The following SLC24A4 variants were observed in gnomAD, a reference collection of about 807,000 sequenced individuals.
The protein encoded by SLC24A4 is solute carrier family 24 member 4, also known as sodium/potassium/calcium exchanger 4.
SLC24A4 carries 53 observed loss-of-function variants against 79.0 expected under a neutral mutation model. That is an observed-to-expected ratio of 0.67 (90% confidence interval 0.54 to 0.84). The LOEUF (loss-of-function observed/expected upper bound fraction) is 0.84. Among genes scored for constraint, SLC24A4 ranks in the 40% least tolerant of loss-of-function variants. SLC24A4 has a pLI of 0.00. For synonymous variants in SLC24A4, 323 were observed against 323.8 expected, an observed-to-expected ratio of 1.00 and a Z score of 0.03; for missense variants, 731 against 822.0, an observed-to-expected ratio of 0.89 and a Z score of 1.35.
intron 2 of SLC24A4, among the ~76,000 whole-genome samples, chr14:92,360,603 C>T (rs983648023): frequency 5.3e-5 from 8 of 152,200 alleles, no homozygotes; most frequent in African/African-American, 1.9e-4. Context: ...TGTATACATG[C>T]GTCCATTTGT....
chr14:92,442,050 A>T (rs1306544375), intron 4 of SLC24A4, 39 bp from the exon 5 acceptor site: 1 of 1,548,808 alleles, frequency 6.5e-7, no homozygotes, highest in Non-Finnish European at 8.9e-7. Flanking sequence ...CAGTACCCCC[A>T]CGTCACACCC....
At chr14:92,385,336 C>T (rs748463592) in intron 2 of SLC24A4, among the ~76,000 whole-genome samples, 2 of 152,056 alleles carry the variant, frequency 1.3e-5, no homozygotes, top group South Asian at 2.1e-4. Flanking sequence ...GAAACCCTGT[C>T]CCTACTAAAA....
chr14:92,485,566 A>T (rs11622904), intron 13 of SLC24A4, among the ~76,000 whole-genome samples: 28,331 of 152,106 alleles, frequency 0.19, 2,811 homozygotes, highest in East Asian at 0.31. Context: ...GCAATTTTTA[A>T]TTTTTCTGAA....
chr14:92,382,137 A>T (rs575724605), intron 2 of SLC24A4, among the ~76,000 whole-genome samples: 1 of 152,192 alleles, frequency 6.6e-6, no homozygotes, highest in African/African-American at 2.4e-5. Context: ...TCTATACATA[A>T]GTGTGTGTAT....
chr14:92,463,405 G>A (rs1237682695), intron 12 of SLC24A4, among the ~76,000 whole-genome samples: 1 of 152,156 alleles, frequency 6.6e-6, no homozygotes, highest in East Asian at 1.9e-4. Context: ...ATTTACATGT[G>A]CAGTTCCATA....
chr14:92,414,156 C>A (rs1244576640), intron 2 of SLC24A4, among the ~76,000 whole-genome samples: 1 of 152,142 alleles, frequency 6.6e-6, no homozygotes, highest in Non-Finnish European at 1.5e-5. Flanking sequence ...TACCTGGACA[C>A]TATTGGCATC....
chr14:92,466,000 T>G (rs560810191), intron 12 of SLC24A4, among the ~76,000 whole-genome samples: 1 of 152,228 alleles, frequency 6.6e-6, no homozygotes, highest in Admixed American at 6.5e-5. Context: ...TTCTGCTTTC[T>G]ATTGGGCTTC....
In SLC24A4 at chr14:92,353,689, G is replaced by A. The variant is rs78240703; in HGVS notation, c.241+27711G>A. On this transcript the variant is annotated intron_variant, in intron 2 of 16. Coordinates refer to ENST00000532405, the MANE Select transcript of SLC24A4 (RefSeq NM_153646.4). This position sits in a 1 kb window ranked among gnomAD's most constrained non-coding sequence, Gnocchi z 4.1. ...TGTGTTCCCTTTCTGCTTGCTCTTC[G>A]TGTCCTTTTCTGTGTAGGCATTTAA... 0.021 allele frequency among the ~76,000 whole-genome samples: 3,205 copies of A among 152,146 alleles called. 139 individuals carry two copies. The highest frequency in any genetic ancestry group is 0.073 in the African/African-American group (3,024 of 41,478).
intron 7 of SLC24A4, among the ~76,000 whole-genome samples, chr14:92,444,618 G>C (rs1197595718): frequency 6.6e-6 from 1 of 152,172 alleles, no homozygotes; most frequent in Non-Finnish European, 1.5e-5. Context: ...ACTTTGGAAG[G>C]CCGAGGCGGG....
intron 2 of SLC24A4, among the ~76,000 whole-genome samples, chr14:92,335,193 C>G (rs1397688226): frequency 6.6e-6 from 1 of 152,150 alleles, no homozygotes; most frequent in East Asian, 1.9e-4. Context: ...TGTTACCCCT[C>G]CATCCTCACA....
Position 92,496,492 on chromosome 14 carries a change from C to T in SLC24A4, c.*2864C>T, listed in dbSNP as rs1208410163. The stretch of plus-strand genomic sequence containing the variant: ...TGGGGGCAGAAAAGAAAAAAAAAAC[C>T]ATTGCACTCAGATGGAAAATGCCTA... On this transcript the variant is annotated 3_prime_UTR_variant, in exon 17 of 17. Transcript: ENST00000532405. The T allele has an allele frequency of 6.6e-6, 1 of 151,876 alleles. No homozygotes were observed. The highest frequency in any genetic ancestry group is 2.1e-4 in the South Asian group (1 of 4,824). 9.4% of individuals were successfully genotyped at this position (151,876 alleles called of 1,614,324 possible). A position where few individuals can be genotyped will look rare whatever the true frequency, so the allele number is the denominator to read the frequency against.
At chr14:92,365,789 A>G (rs1887802697) in intron 2 of SLC24A4, among the ~76,000 whole-genome samples, 2 of 152,146 alleles carry the variant, frequency 1.3e-5, no homozygotes, top group Admixed American at 1.3e-4. Context: ...ATGAATTCTT[A>G]CAAGACTTGA....
intron 2 of SLC24A4, among the ~76,000 whole-genome samples, chr14:92,369,406 G>A (rs539667546): frequency 6.6e-6 from 1 of 152,118 alleles, no homozygotes; most frequent in Non-Finnish European, 1.5e-5. Flanking sequence ...TATGTGGGGC[G>A]ATCTACAAGA....
chr14:92,466,922 C>T lies in SLC24A4; in HGVS notation c.1255+10314C>T, dbSNP rs574100967. ...ACCTGTGAAACAGGAAAAATACTCC[C>T]CAATGCTCATATGAGGAACAAAGAG... On this transcript the variant is annotated intron_variant, in intron 12 of 16. Transcript: ENST00000532405. Among the ~76,000 whole-genome samples the T allele has an allele frequency of 7.7e-4, 118 of 152,356 alleles. 1 individual carries two copies. Among genetic ancestry groups the T allele is most frequent in the African/African-American group, 2.8e-3 (118 of 41,574 alleles).
At chr14:92,479,852 A>G (rs1404376561) in intron 12 of SLC24A4, among the ~76,000 whole-genome samples, 3 of 152,214 alleles carry the variant, frequency 2.0e-5, no homozygotes, top group African/African-American at 7.2e-5. Context: ...ACTTTAAGGG[A>G]AAATTTTAAA....
At chr14:92,360,136 A>C (rs1257200218) in intron 2 of SLC24A4, among the ~76,000 whole-genome samples, 1 of 152,190 alleles carries the variant, frequency 6.6e-6, no homozygotes, top group Non-Finnish European at 1.5e-5. Flanking sequence ...ATTGGCCATG[A>C]TGGTCTTGAT....
At chr14:92,416,108 G>C (rs905155090) in intron 2 of SLC24A4, among the ~76,000 whole-genome samples, 1 of 143,732 alleles carries the variant, frequency 7.0e-6, no homozygotes, top group Non-Finnish European at 1.5e-5. Context: ...GAAAGTGTGT[G>C]TATTTGTGTG....
At chr14:92,363,257 G>A (rs1198296214) in intron 2 of SLC24A4, among the ~76,000 whole-genome samples, 1 of 152,224 alleles carries the variant, frequency 6.6e-6, no homozygotes, top group East Asian at 1.9e-4. Context: ...AACCAGGTCA[G>A]CTTGGGGCTG....
chr14:92,415,769 A>ATT (rs75655818), intron 2 of SLC24A4, among the ~76,000 whole-genome samples: 3 of 149,316 alleles, frequency 2.0e-5, no homozygotes, highest in Non-Finnish European at 4.5e-5. Context: ...CTATGTTTTT[A>ATT]TTTTTTTTTT....
Sources: gnomAD v4.1 joint callset for allele counts (sites outside exome capture counted in the v4.1 genomes callset) on GRCh38, gnomAD v4.1.1 for gene constraint, Gnocchi (gnomAD v3.1) non-coding constraint, MANE v1.5 for transcripts, NCBI Gene and HGNC (gene_info 2026-07-23, HGNC 2026-07-21) for gene names.